The following CERS6 variants were observed in gnomAD, a reference collection of about 807,000 sequenced individuals.
CERS6 encodes LAG1 homolog, ceramide synthase 6.
CERS6 carries 26 observed loss-of-function variants against 56.8 expected under a neutral mutation model. The ratio of observed to expected loss-of-function variants is 0.46; its 90% confidence interval spans 0.34 to 0.63. The LOEUF is 0.63. Ranked by LOEUF, CERS6 falls within the 30% of genes least tolerant of loss-of-function variation. The probability of loss-of-function intolerance (pLI) is 0.01; values close to 1 mark genes in which losing one functional copy is unlikely to be tolerated. For synonymous variants in CERS6, 164 were observed against 173.3 expected (o/e 0.95, Z 0.42); for missense variants, 415 against 467.5 (o/e 0.89, Z 1.04).
intron 5 of CERS6, among the ~76,000 whole-genome samples, chr2:168,692,931 A>G (rs1686542620): frequency 6.6e-6 from 1 of 152,180 alleles, no homozygotes; most frequent in African/African-American, 2.4e-5. Flanking sequence ...TATCTTTAGC[A>G]TATATGTTAA....
intron 9 of CERS6, among the ~76,000 whole-genome samples, chr2:168,767,057 G>A (rs1227120117): frequency 6.6e-6 from 1 of 152,162 alleles, no homozygotes; most frequent in Non-Finnish European, 1.5e-5. Context: ...CTGTCAATAT[G>A]ATAACAATAA....
At chr2:168,647,913 A>G (rs1290542604) in intron 4 of CERS6, among the ~76,000 whole-genome samples, 1 of 152,010 alleles carries the variant, frequency 6.6e-6, no homozygotes, top group African/African-American at 2.4e-5. Flanking sequence ...TTTGATTTGC[A>G]CGTATTTTGT....
chr2:168,679,970 T>C (rs1686168685), intron 4 of CERS6, among the ~76,000 whole-genome samples: 1 of 152,214 alleles, frequency 6.6e-6, no homozygotes, highest in South Asian at 2.1e-4. Flanking sequence ...CCAAAGAGCA[T>C]GAAACCGCAG....
chr2:168,576,683 T>C (rs575265905), intron 3 of CERS6, among the ~76,000 whole-genome samples: 2 of 152,334 alleles, frequency 1.3e-5, no homozygotes, highest in South Asian at 4.1e-4. Context: ...CATGATGCCA[T>C]ACTTGCTCTG....
At chr2:168,619,461 C>T (rs1229342381) in intron 3 of CERS6, among the ~76,000 whole-genome samples, 1 of 151,858 alleles carries the variant, frequency 6.6e-6, no homozygotes, top group Non-Finnish European at 1.5e-5. Flanking sequence ...ATACATCTGA[C>T]AAAGGACTAA....
At chr2:168,712,207 C>G (rs907493142) in intron 6 of CERS6, among the ~76,000 whole-genome samples, 1 of 152,148 alleles carries the variant, frequency 6.6e-6, no homozygotes, top group African/African-American at 2.4e-5. Context: ...AAGATTAAGT[C>G]GAATTCACAA....
At chr2:168,716,443 T>A (rs1687228366) in intron 7 of CERS6, among the ~76,000 whole-genome samples, 1 of 152,040 alleles carries the variant, frequency 6.6e-6, no homozygotes, top group African/African-American at 2.4e-5. Flanking sequence ...ATTCAAAAAA[T>A]TTCTAATCAA....
intron 1 of CERS6, among the ~76,000 whole-genome samples, chr2:168,520,598 C>CTTTTTTTTTTTTTTTTTTGTTTTTT (rs1694959175): frequency 1.7e-5 from 1 of 57,860 alleles, no homozygotes; most frequent in Non-Finnish European, 3.2e-5. Context: ...TTACAATATC[C>CTTTTTTTTTTTTTTTTTTGTTTTTT]TTTTTTTTTT....
At chr2:168,742,698 A>G (rs1683952213) in intron 8 of CERS6, among the ~76,000 whole-genome samples, 1 of 152,222 alleles carries the variant, frequency 6.6e-6, no homozygotes, top group Non-Finnish European at 1.5e-5. Context: ...CACAGGTGGG[A>G]ATGGCCTTGG....
rs866072230 is a variant in CERS6 at position 168,516,542 on chromosome 2, A to T, written c.171-31054A>T. 7.9e-5 allele frequency among the ~76,000 whole-genome samples: 12 copies of T among 152,312 alleles called. 1 individual carries two copies. In the South Asian group the frequency reaches 1.5e-3, roughly 18 times the overall value. On this transcript the variant is annotated intron_variant, in intron 1 of 9. Transcript: ENST00000305747. ...AAGTTGTTCAATCTCCCTGTGCCACAGTGCCTTCATTGATAAAATGAGAAA... is the reference window on the plus strand; with the variant it reads ...AAGTTGTTCAATCTCCCTGTGCCACTGTGCCTTCATTGATAAAATGAGAAA...
intron 6 of CERS6, among the ~76,000 whole-genome samples, chr2:168,696,224 A>G (rs1686642842): frequency 6.6e-6 from 1 of 152,168 alleles, no homozygotes. Context: ...CTTACATACA[A>G]AGTGCTCCTG....
Position 168,624,138 on chromosome 2 carries a change from C to T in CERS6, c.408-6847C>T, listed in dbSNP as rs73969284. On this transcript the variant is annotated intron_variant, in intron 3 of 9. Coordinates refer to ENST00000305747, the MANE Select transcript of CERS6 (RefSeq NM_203463.3). ...AGTGAGCTGTTTTTCTGCTAGTATA[C>T]ATTCATGACACCAGCTCTGAATAGG... 7.0e-3 allele frequency among the ~76,000 whole-genome samples: 1,065 copies of T among 152,190 alleles called. 12 individuals are homozygous for T. The highest frequency in any genetic ancestry group is 0.024 in the African/African-American group (1,009 of 41,556).
intron 4 of CERS6, among the ~76,000 whole-genome samples, chr2:168,672,135 G>T (rs1210283198): frequency 6.6e-6 from 1 of 152,184 alleles, no homozygotes; most frequent in Non-Finnish European, 1.5e-5. Flanking sequence ...TTGCCTCATG[G>T]ATACATTCTG....
chr2:168,630,222 G>T (rs1352522269), intron 3 of CERS6, among the ~76,000 whole-genome samples: 1 of 151,532 alleles, frequency 6.6e-6, no homozygotes, highest in African/African-American at 2.4e-5. Context: ...ACTTTTAAAG[G>T]CGTAGCTATT....
intron 4 of CERS6, among the ~76,000 whole-genome samples, chr2:168,677,623 G>A (rs1380398582): frequency 4.6e-5 from 7 of 151,964 alleles, no homozygotes; most frequent in Non-Finnish European, 1.0e-4. Flanking sequence ...TCAGCCTCCC[G>A]AGTAGCTGAG....
chr2:168,641,636 A>G (rs955833472), intron 4 of CERS6, among the ~76,000 whole-genome samples: 2 of 152,202 alleles, frequency 1.3e-5, no homozygotes, highest in African/African-American at 4.8e-5. Flanking sequence ...TATAGGTTGG[A>G]AGGTTGTTTT....
At chr2:168,717,732 T>A (rs1360454594) in intron 7 of CERS6, 140 bp from the exon 8 acceptor site, 6 of 582,934 alleles carry the variant, frequency 1.0e-5, no homozygotes, top group Non-Finnish European at 1.8e-5. Context: ...GACATTTCAA[T>A]CGCAGGCTGA....
At chr2:168,607,314 A>G (rs1684075452) in intron 3 of CERS6, among the ~76,000 whole-genome samples, 1 of 152,164 alleles carries the variant, frequency 6.6e-6, no homozygotes, top group Admixed American at 6.5e-5. Context: ...ATAAGAGATA[A>G]TTCATTACTT....
Position 168,760,795 on chromosome 2 carries a change from G to A in CERS6, c.846-4797G>A, listed in dbSNP as rs888924228. On this transcript the variant is annotated intron_variant, in intron 8 of 9. Coordinates refer to ENST00000305747, the MANE Select transcript of CERS6 (RefSeq NM_203463.3). The stretch of plus-strand genomic sequence containing the variant: ...TTTTGAGACGGAGTCTTGCTCTGTC[G>A]CCCAGGCTGGAGTGCAGTGGCGCGA... Among the ~76,000 whole-genome samples, 23 of 150,862 alleles carry A rather than the reference G, an allele frequency of 1.5e-4. 1 individual carries two copies. Among genetic ancestry groups the A allele is most frequent in the Admixed American group, 4.0e-4 (6 of 15,160 alleles).
Sources: allele counts gnomAD v4.1 joint callset (sites outside exome capture counted in the v4.1 genomes callset), GRCh38; gene constraint gnomAD v4.1.1; transcripts MANE v1.5; gene names NCBI Gene and HGNC (gene_info 2026-07-23, HGNC 2026-07-21).